Variants in KCTD16 observed in about 807,000 individuals in gnomAD.
KCTD16 encodes BTB/POZ domain-containing protein KCTD16.
A neutral mutation model predicts 33.2 loss-of-function variants in KCTD16; 13 were observed. The observed-to-expected ratio is 0.39, with a 90% CI of 0.25 to 0.62. The LOEUF is 0.62. KCTD16 is among the 20% of genes least tolerant of loss of function. The pLI is 0.50. For synonymous variants in KCTD16, 197 were observed against 195.3 expected (o/e 1.01, Z -0.07); for missense variants, 441 against 525.1 (o/e 0.84, Z 1.57).
chr5:144,381,996 C>T (rs1752225811), intron 3 of KCTD16, among the ~76,000 whole-genome samples: 2 of 138,998 alleles, frequency 1.4e-5, no homozygotes, highest in Non-Finnish European at 3.0e-5. Flanking sequence ...CAACAGTGGA[C>T]TGGATGAAAG....
intron 3 of KCTD16, among the ~76,000 whole-genome samples, chr5:144,395,364 T>G (rs903128920): frequency 2.0e-5 from 3 of 152,178 alleles, no homozygotes; most frequent in African/African-American, 7.2e-5. Flanking sequence ...TTATTTTTGT[T>G]TTTCAAGCTT....
At chr5:144,337,956 TGATATAAGCAAAGTGCTTAAAACC>T (rs1561572319) in intron 3 of KCTD16, among the ~76,000 whole-genome samples, 13 of 152,134 alleles carry the variant, frequency 8.5e-5, no homozygotes, top group Non-Finnish European at 1.6e-4. Flanking sequence ...TTTAAAAAAT[TGATATAAGCAAAGTGCTTAAAACC>T]ATGCTGGCCA....
Position 144,250,231 on chromosome 5 carries a change from G to A in KCTD16, c.832+42685G>A, listed in dbSNP as rs116793064. ...CACTTTCTACAGTACTCATTGCAAC[G>A]TGAGGAATTGTGAGCCATTTCCACC... On this transcript the variant is annotated intron_variant, in intron 3 of 3. Transcript: ENST00000512467. Among the ~76,000 whole-genome samples the A allele has an allele frequency of 1.0e-2, 1,515 of 152,210 alleles. 22 individuals carry two copies. The highest frequency in any genetic ancestry group is 0.034 in the African/African-American group (1,401 of 41,522).
intron 3 of KCTD16, among the ~76,000 whole-genome samples, chr5:144,410,786 A>T (rs1752915721): frequency 2.0e-5 from 3 of 152,198 alleles, no homozygotes; most frequent in Admixed American, 2.0e-4. Context: ...TTATGTCTAT[A>T]AACGCACAAA....
rs1754746510 is a variant in KCTD16, at chr5:144,483,553, A to G, written c.*9439A>G. Reference sequence around the variant, plus strand: ...GAACAATGTAAGTCAAATACAAGAAAACCTTACTTACCTATTTTGGCATTT... The same window carrying G: ...GAACAATGTAAGTCAAATACAAGAAGACCTTACTTACCTATTTTGGCATTT... On this transcript the variant is annotated 3_prime_UTR_variant, in exon 4 of 4. Transcript: ENST00000512467. 6.6e-6 allele frequency: 1 copy of G among 151,972 alleles called. No homozygotes were observed. The highest frequency in any genetic ancestry group is 2.4e-5 in the African/African-American group (1 of 41,404). The allele number at this position is 151,972 out of a possible 1,614,324, so 9.4% of individuals were successfully genotyped here.
chr5:144,209,603 A>T (rs1253047006), intron 3 of KCTD16, among the ~76,000 whole-genome samples: 1 of 151,914 alleles, frequency 6.6e-6, no homozygotes, highest in Admixed American at 6.6e-5. Context: ...GCTTCCGTGC[A>T]GCTGCTTAGC....
chr5:144,180,520 A>G (rs113958540), intron 2 of KCTD16, among the ~76,000 whole-genome samples: 1 of 152,258 alleles, frequency 6.6e-6, no homozygotes, highest in Non-Finnish European at 1.5e-5. Flanking sequence ...GATTAAAACC[A>G]TAACAATAAC....
chr5:144,229,866 G>A (rs115645024), intron 3 of KCTD16, among the ~76,000 whole-genome samples: 1 of 152,208 alleles, frequency 6.6e-6, no homozygotes, highest in South Asian at 2.1e-4. Context: ...GCAAGGCTGG[G>A]TGCAGTGGCT....
At chr5:144,171,720 A>G (rs1316316138) in intron 1 of KCTD16, among the ~76,000 whole-genome samples, 5 of 152,308 alleles carry the variant, frequency 3.3e-5, no homozygotes, top group Non-Finnish European at 7.4e-5. Context: ...CTGGAACAGC[A>G]AGTGAGGGGA....
chr5:144,321,857 C>T (rs1752081568), intron 3 of KCTD16, among the ~76,000 whole-genome samples: 1 of 152,072 alleles, frequency 6.6e-6, no homozygotes, highest in African/African-American at 2.4e-5. Flanking sequence ...TATTGAAAAA[C>T]CTGTCCTTTA....
chr5:144,270,810 T>A (rs1343625517), intron 3 of KCTD16, among the ~76,000 whole-genome samples: 1 of 151,652 alleles, frequency 6.6e-6, no homozygotes, highest in Non-Finnish European at 1.5e-5. Flanking sequence ...ATACTCAAAT[T>A]ACTAAAATCA....
intron 3 of KCTD16, among the ~76,000 whole-genome samples, chr5:144,263,687 A>C (rs1027085535): frequency 2.6e-5 from 4 of 152,244 alleles, no homozygotes; most frequent in African/African-American, 4.8e-5. Context: ...AAATGACTGC[A>C]GTTTGGGAAA....
chr5:144,275,199 T>C (rs1755406371), intron 3 of KCTD16, among the ~76,000 whole-genome samples: 1 of 152,164 alleles, frequency 6.6e-6, no homozygotes, highest in African/African-American at 2.4e-5. Context: ...AAGTGCCCAC[T>C]GGTCTCTTGC....
chr5:144,203,281 G>C lies in KCTD16; in HGVS notation c.-326-3108G>C, dbSNP rs1325986020. Among the ~76,000 whole-genome samples, 3 of 151,172 alleles carry C rather than the reference G, an allele frequency of 2.0e-5. No homozygotes were observed. In the South Asian group the frequency reaches 6.3e-4, roughly 32 times the overall value. On this transcript the variant is annotated intron_variant, in intron 2 of 3. Transcript: ENST00000512467. ...GTATTAATATTAATATTAATTCTTG[G>C]TGTGCTTTTTAAAAACATGTTTAGT...
At chr5:144,401,506 T>C (rs1284033933) in intron 3 of KCTD16, among the ~76,000 whole-genome samples, 2 of 152,204 alleles carry the variant, frequency 1.3e-5, no homozygotes, top group African/African-American at 4.8e-5. Context: ...TGTTTCCATG[T>C]ACCTCTGATT....
At chr5:144,469,801 A>G (rs1337896103) in intron 3 of KCTD16, among the ~76,000 whole-genome samples, 2 of 151,868 alleles carry the variant, frequency 1.3e-5, no homozygotes. Context: ...TTCACTGATT[A>G]TTCATCAAAC....
intron 3 of KCTD16, among the ~76,000 whole-genome samples, chr5:144,457,492 T>C (rs1162108665): frequency 2.6e-5 from 4 of 152,162 alleles, no homozygotes; most frequent in Non-Finnish European, 5.9e-5. Context: ...AAGGGCATTT[T>C]AGGCAGAAAG....
chr5:144,211,289 A>G lies in KCTD16; in HGVS notation c.832+3743A>G, dbSNP rs578022465. Among the ~76,000 whole-genome samples the G allele has an allele frequency of 4.6e-5, 7 of 152,314 alleles. No homozygotes were observed. In the East Asian group the frequency reaches 1.2e-3, roughly 25 times the overall value. On this transcript the variant is annotated intron_variant, in intron 3 of 3. Coordinates refer to ENST00000512467, the MANE Select transcript of KCTD16 (RefSeq NM_020768.4). The stretch of plus-strand genomic sequence containing the variant: ...CTTCAATAAGAGCATGTGCCTTCAT[A>G]AGAAAACAGGTGGAAATGCATCTAC...
intron 3 of KCTD16, among the ~76,000 whole-genome samples, chr5:144,294,704 T>A (rs760396384): frequency 6.6e-6 from 1 of 152,182 alleles, no homozygotes; most frequent in Non-Finnish European, 1.5e-5. Flanking sequence ...TGGGACAGAA[T>A]TGAGTGGGCA....
Sources: allele counts gnomAD v4.1 joint callset (sites outside exome capture counted in the v4.1 genomes callset), GRCh38; gene constraint gnomAD v4.1.1; transcripts MANE v1.5; gene names NCBI Gene and HGNC (gene_info 2026-07-23, HGNC 2026-07-21).